Variants in RCC1L observed in about 807,000 individuals in gnomAD.
RCC1L encodes the protein RCC1 like.
Under a neutral mutation model 58.6 loss-of-function variants are expected in RCC1L, and 46 were observed. The observed-to-expected ratio is 0.79, with a 90% CI of 0.62 to 1.00. RCC1L has a LOEUF of 1.00. Ranked by LOEUF, RCC1L falls within the 50% of genes least tolerant of loss-of-function variation. The probability of loss-of-function intolerance (pLI) is 0.00; values close to 1 mark genes in which losing one functional copy is unlikely to be tolerated. For synonymous variants in RCC1L, 281 were observed against 262.9 expected (o/e 1.07, Z -0.67); for missense variants, 636 against 623.6 (o/e 1.02, Z -0.21).
At chr7:75,030,436 G>C (rs1268147433) in intron 10 of RCC1L, among the ~76,000 whole-genome samples, 12 of 152,146 alleles carry the variant, frequency 7.9e-5, no homozygotes, top group East Asian at 1.9e-4. Flanking sequence ...GGGCGTCTCT[G>C]GTAGGACGGC....
intron 3 of RCC1L, among the ~76,000 whole-genome samples, chr7:75,065,480 A>G (rs1806438500): frequency 6.6e-6 from 1 of 151,996 alleles, no homozygotes; most frequent in Non-Finnish European, 1.5e-5. Context: ...ACCTGAACCC[A>G]GGAGGTAGAG....
chr7:75,057,687 G>A (rs983175664), intron 7 of RCC1L, 71 bp from the exon 8 acceptor site: 1 of 1,414,430 alleles, frequency 7.1e-7, no homozygotes, highest in African/African-American at 1.4e-5. Context: ...TCTGGTCTTA[G>A]GTACAGAGTA....
chr7:75,070,646 C>T lies in RCC1L; in HGVS notation c.448G>A (p.Asp150Asn). Reference protein sequence around the residue: ...SQLGFHRSRKDKTRGYEYVLE... With the variant: ...SQLGFHRSRKNKTRGYEYVLE... ...ACAAGGTAGGGATGCTCACTTTTAT[C>T]TTTCCGGCTCCTGTGAAATCCAAGC... is the stretch of plus-strand genomic sequence containing the variant. Residue 150 changes from aspartate (D) to asparagine (N), a missense_variant, in exon 2 of 11, where the codon GAT (aspartate) becomes AAT (asparagine). Physicochemically the swap from Asp to Asn is conservative, Grantham distance 23. Transcript: ENST00000610322. 1 of 1,613,874 alleles carries T rather than the reference C, an allele frequency of 6.2e-7. No individual in the cohort carries two copies. Among genetic ancestry groups the T allele is most frequent in the South Asian group, 1.1e-5 (1 of 91,070 alleles).
At chr7:75,066,251 A>G (rs909690628) in intron 3 of RCC1L, among the ~76,000 whole-genome samples, 2 of 152,110 alleles carry the variant, frequency 1.3e-5, no homozygotes, top group African/African-American at 4.8e-5. Flanking sequence ...GGAGATTGAG[A>G]CCATCCTGGC....
intron 10 of RCC1L, among the ~76,000 whole-genome samples, chr7:75,047,298 T>C (rs1805753864): frequency 6.6e-6 from 1 of 152,038 alleles, no homozygotes; most frequent in African/African-American, 2.4e-5. Context: ...CAAGGTCTTG[T>C]TCTGTTGCCC....
At chr7:75,070,865 C>A in intron 1 of RCC1L, 96 bp from the exon 2 acceptor site, 14 of 1,519,358 alleles carry the variant, frequency 9.2e-6, no homozygotes, top group Non-Finnish European at 1.3e-5. Context: ...AGAACACATA[C>A]TATTTACGGG....
intron 6 of RCC1L, among the ~76,000 whole-genome samples, chr7:75,059,014 T>TAAAAAA: frequency 1.3e-5 from 1 of 77,398 alleles, no homozygotes. Context: ...CTGTCTCTAC[T>TAAAAAA]TAAAAAAAAA....
chr7:75,046,317 A>G (rs1805719065), intron 10 of RCC1L, among the ~76,000 whole-genome samples: 1 of 152,252 alleles, frequency 6.6e-6, no homozygotes, highest in Non-Finnish European at 1.5e-5. Flanking sequence ...CTGCCTCTGC[A>G]GGGACTGGGC....
At chr7:75,035,250 C>T (rs1395971107) in intron 10 of RCC1L, among the ~76,000 whole-genome samples, 12 of 152,150 alleles carry the variant, frequency 7.9e-5, no homozygotes, top group African/African-American at 2.9e-4. Flanking sequence ...AGGCTGGTCT[C>T]GAACTCATGA....
intron 8 of RCC1L, among the ~76,000 whole-genome samples, 172 bp from the exon 9 acceptor site, chr7:75,056,246 G>A (rs1341109485): frequency 6.6e-6 from 1 of 151,228 alleles, no homozygotes; most frequent in Non-Finnish European, 1.5e-5. Context: ...CAGAGATTTA[G>A]AATAATAATT....
rs1234491315 is a variant in RCC1L, at chr7:75,052,711, C to G, written c.1317G>C (p.Arg439Ser). 8.1e-6 allele frequency: 13 copies of G among 1,610,402 alleles called. No homozygotes were observed. In the Admixed American group the frequency reaches 2.2e-4, roughly 27 times the overall value. The change falls in exon 10 of 11, where the codon AGG becomes AGC. Residue 439 changes from arginine (R) to serine (S), a missense_variant and splice_region_variant. By Grantham distance (110) the Arg-to-Ser change is moderately radical (BLOSUM62 -1). Transcript: ENST00000610322. ...GRLEDQYFPWRVTMPGEPVDV... is the reference protein window; with the variant it reads ...GRLEDQYFPWSVTMPGEPVDV... ...TCAAGACCTCCCCGGCCAGCCTTACCCTCCATGGGAAATACTGGTCCTCCA... is the reference window on the plus strand; with the variant it reads ...TCAAGACCTCCCCGGCCAGCCTTACGCTCCATGGGAAATACTGGTCCTCCA...
At chr7:75,055,401 T>C (rs1806043466) in intron 9 of RCC1L, among the ~76,000 whole-genome samples, 1 of 152,190 alleles carries the variant, frequency 6.6e-6, no homozygotes, top group Non-Finnish European at 1.5e-5. Context: ...CATCATTCTC[T>C]ACCCCGGCAC....
chr7:75,042,177 C>T, downstream of RCC1L: 2 of 985,244 alleles, frequency 2.0e-6, no homozygotes, highest in Non-Finnish European at 2.4e-6. Flanking sequence ...AAGATCTCTT[C>T]AGAGCTTAAA....
At chr7:75,062,905 T>A (rs1479404313) in intron 5 of RCC1L, among the ~76,000 whole-genome samples, 1 of 152,074 alleles carries the variant, frequency 6.6e-6, no homozygotes, top group Non-Finnish European at 1.5e-5. Context: ...TTCAAGCAAT[T>A]CCTGTGCCTC....
At chr7:75,050,318 G>A (rs1409963031) in intron 10 of RCC1L, among the ~76,000 whole-genome samples, 1 of 152,112 alleles carries the variant, frequency 6.6e-6, no homozygotes, top group Non-Finnish European at 1.5e-5. Context: ...AAAATAAAAA[G>A]CAAATGACCA....
chr7:75,047,081 C>G (rs1238746489), intron 10 of RCC1L, among the ~76,000 whole-genome samples: 10 of 152,166 alleles, frequency 6.6e-5, no homozygotes, highest in Non-Finnish European at 1.0e-4. Flanking sequence ...CCTCAGCCCC[C>G]CAAGTAGCTG....
intron 10 of RCC1L, among the ~76,000 whole-genome samples, chr7:75,046,980 C>T (rs1182458009): frequency 1.3e-4 from 20 of 151,884 alleles, no homozygotes; most frequent in Non-Finnish European, 2.8e-4. Flanking sequence ...TTCAATGAGA[C>T]GGAGTCTCGC....
At position 75,073,555 on chromosome 7, in the gene RCC1L, G is replaced by A. The variant is rs782314849; in HGVS notation, c.183C>T (p.Val61=). 6.6e-7 allele frequency: 1 copy of A among 1,508,138 alleles called. No homozygotes were observed. Among genetic ancestry groups the A allele is most frequent in the Admixed American group, 2.3e-5 (1 of 42,916 alleles). 93.4% of individuals were successfully genotyped at this position (1,508,138 alleles called of 1,614,324 possible). A position where few individuals can be genotyped will look rare whatever the true frequency, so the allele number is the denominator to read the frequency against. ...VGERAARADR[V]FVWGFSFSGA... is the part of the protein sequence containing the mutation. ...CCGAGAAGCTGAAGCCCCACACGAA[G>A]ACGCGATCGGCGCGGGCAGCGCGCT... The change falls in exon 1 of 11, where the codon GTC becomes GTT. Residue 61 remains valine, a synonymous_variant. Coordinates refer to ENST00000610322, the MANE Select transcript of RCC1L (RefSeq NM_030798.5).
At chr7:75,067,693 C>T (rs1806549949) in intron 2 of RCC1L, among the ~76,000 whole-genome samples, 1 of 151,988 alleles carries the variant, frequency 6.6e-6, no homozygotes, top group Admixed American at 6.6e-5. Context: ...CTGTTGGTCC[C>T]AGCTACTTGG....
Sources: gnomAD v4.1 joint callset for allele counts (sites outside exome capture counted in the v4.1 genomes callset) on GRCh38, gnomAD v4.1.1 for gene constraint, MANE v1.5 for transcripts, NCBI Gene and HGNC (gene_info 2026-07-23, HGNC 2026-07-21) for gene names.